Variants in GREB1L observed in about 807,000 individuals in gnomAD.
The protein encoded by GREB1L is GREB1-like protein.
In GREB1L, 17 loss-of-function variants were observed where a neutral mutation model predicts 200.8. That is an observed-to-expected ratio of 0.08 (90% CI 0.06 to 0.13). GREB1L has a LOEUF of 0.13. Among genes scored for constraint, GREB1L ranks in the 10% least tolerant of loss-of-function variants. The probability of loss-of-function intolerance (pLI) is 1.00; values close to 1 mark genes in which losing one functional copy is unlikely to be tolerated. For synonymous variants in GREB1L, 789 were observed against 893.0 expected, an observed-to-expected ratio of 0.88 and a Z score of 2.08; for missense variants, 1,657 against 2,367.7, an observed-to-expected ratio of 0.70 and a Z score of 6.23.
At chr18:21,518,465 C>T (rs534088511) in intron 31 of GREB1L, among the ~76,000 whole-genome samples, 2 of 152,296 alleles carry the variant, frequency 1.3e-5, no homozygotes, top group South Asian at 2.1e-4. Context: ...AGTTTGCCCT[C>T]CCCATGCCTA....
At chr18:21,480,560 C>G (rs1371851029) in intron 17 of GREB1L, among the ~76,000 whole-genome samples, 1 of 152,094 alleles carries the variant, frequency 6.6e-6, no homozygotes, top group Non-Finnish European at 1.5e-5. Flanking sequence ...TATACAACAA[C>G]CTTATACATG....
intron 1 of GREB1L, among the ~76,000 whole-genome samples, chr18:21,259,761 A>G (rs1181318750): frequency 6.6e-6 from 1 of 152,038 alleles, no homozygotes; most frequent in East Asian, 1.9e-4. Context: ...AAAATTTGAA[A>G]TGGTATTGGT....
At chr18:21,375,390 G>T (rs933454939) in intron 2 of GREB1L, among the ~76,000 whole-genome samples, 7 of 152,038 alleles carry the variant, frequency 4.6e-5, no homozygotes, top group Non-Finnish European at 1.0e-4. Flanking sequence ...TATTAGAGCG[G>T]TACGGTTATT....
intron 1 of GREB1L, among the ~76,000 whole-genome samples, chr18:21,328,716 C>T (rs1334861463): frequency 6.6e-6 from 1 of 151,788 alleles, no homozygotes; most frequent in African/African-American, 2.4e-5. Flanking sequence ...GTATGTGTCT[C>T]AAGATGAACT....
intron 4 of GREB1L, among the ~76,000 whole-genome samples, chr18:21,389,763 C>T (rs1471490287): frequency 6.6e-6 from 1 of 152,210 alleles, no homozygotes; most frequent in Non-Finnish European, 1.5e-5. Context: ...GCATGAATTA[C>T]TTTTGCGGCT....
At chr18:21,438,500 T>G (rs1361600347) in intron 7 of GREB1L, among the ~76,000 whole-genome samples, 1 of 148,554 alleles carries the variant, frequency 6.7e-6, no homozygotes, top group African/African-American at 2.5e-5. Context: ...TGCTCTCTCT[T>G]AAAAAAAAAA....
chr18:21,516,538 T>C lies in GREB1L; in HGVS notation c.5130-75T>C, dbSNP rs925626608. On this transcript the variant is annotated intron_variant, in intron 29 of 32. Transcript: ENST00000424526. ...TAGGCTCCTAATATCTTGCCACACA[T>C]TTATTTCTCTGTGTATAGTTATCAT... 9.5e-6 allele frequency: 13 copies of C among 1,373,244 alleles called. No individual in the cohort carries two copies. In the African/African-American group the frequency reaches 1.6e-4, roughly 17 times the overall value. The allele number at this position is 1,373,244 out of a possible 1,614,324, so 85.1% of individuals were successfully genotyped here.
chr18:21,438,603 A>C (rs926816730), intron 7 of GREB1L, among the ~76,000 whole-genome samples: 4 of 152,014 alleles, frequency 2.6e-5, no homozygotes, highest in Non-Finnish European at 5.9e-5. Context: ...TAGGAATTCA[A>C]AGCTGCAGTG....
At chr18:21,421,998 G>A (rs745866034) in intron 7 of GREB1L, among the ~76,000 whole-genome samples, 4 of 152,222 alleles carry the variant, frequency 2.6e-5, no homozygotes, top group Non-Finnish European at 5.9e-5. Context: ...GTATGACCTA[G>A]TGGGAGAAAC....
At chr18:21,369,904 G>A (rs1456139969) in intron 2 of GREB1L, among the ~76,000 whole-genome samples, 1 of 142,716 alleles carries the variant, frequency 7.0e-6, no homozygotes, top group African/African-American at 2.6e-5. Flanking sequence ...AGCCACAATC[G>A]CACCACCACA....
At chr18:21,356,675 T>C (rs1050652159) in intron 1 of GREB1L, among the ~76,000 whole-genome samples, 3 of 152,234 alleles carry the variant, frequency 2.0e-5, no homozygotes, top group African/African-American at 4.8e-5. Flanking sequence ...ATCATTTCTT[T>C]TGGATACATA....
At chr18:21,336,789 A>G (rs1291739478) in intron 1 of GREB1L, among the ~76,000 whole-genome samples, 1 of 152,160 alleles carries the variant, frequency 6.6e-6, no homozygotes, top group African/African-American at 2.4e-5. Context: ...ACTGGCATTT[A>G]CTTACCACCA....
At chr18:21,270,075 G>A (rs1216169622) in intron 1 of GREB1L, among the ~76,000 whole-genome samples, 2 of 152,196 alleles carry the variant, frequency 1.3e-5, no homozygotes, top group African/African-American at 4.8e-5. Context: ...ATAATTCTGT[G>A]TATGTACATG....
chr18:21,511,323 C>T (rs1163370098), intron 27 of GREB1L, among the ~76,000 whole-genome samples: 7 of 151,812 alleles, frequency 4.6e-5, no homozygotes, highest in Admixed American at 1.3e-4. Context: ...GAGATCGTAC[C>T]GCTGCACTCC....
intron 7 of GREB1L, among the ~76,000 whole-genome samples, chr18:21,434,561 AT>A (rs1478985913): frequency 2.3e-5 from 3 of 130,924 alleles, no homozygotes; most frequent in South Asian, 2.4e-4. Flanking sequence ...ATGTGTGTAT[AT>A]ATATGTGTGT....
At chr18:21,398,510 C>A (rs1013821951) in intron 5 of GREB1L, among the ~76,000 whole-genome samples, 7 of 152,130 alleles carry the variant, frequency 4.6e-5, no homozygotes, top group African/African-American at 1.4e-4. Context: ...AACCACTTCT[C>A]CATGTAAAAG....
intron 1 of GREB1L, among the ~76,000 whole-genome samples, chr18:21,291,539 G>C (rs2038450574): frequency 6.6e-6 from 1 of 152,218 alleles, no homozygotes; most frequent in African/African-American, 2.4e-5. Context: ...GGCAGCCTGT[G>C]TCATGTTTAT....
intron 7 of GREB1L, 96 bp from the exon 8 acceptor site, chr18:21,439,425 C>G: frequency 1.4e-6 from 1 of 715,168 alleles, no homozygotes; most frequent in African/African-American, 1.8e-5. Context: ...TTCTTGGAAT[C>G]CTAGAGTGTG....
chr18:21,304,340 A>G (rs1212271095), intron 1 of GREB1L, among the ~76,000 whole-genome samples: 1 of 152,108 alleles, frequency 6.6e-6, no homozygotes, highest in African/African-American at 2.4e-5. Flanking sequence ...TGGCAAGAGC[A>G]TTGAGCAAAC....
Sources: gnomAD v4.1 joint callset for allele counts (sites outside exome capture counted in the v4.1 genomes callset) on GRCh38, gnomAD v4.1.1 for gene constraint, MANE v1.5 for transcripts, NCBI Gene and HGNC (gene_info 2026-07-23, HGNC 2026-07-21) for gene names.